ZNF821: variants seen among roughly 807,000 people sequenced by gnomAD.
ZNF821 encodes zinc finger protein 821.
In ZNF821, 16 loss-of-function variants were observed where a neutral mutation model predicts 44.3. That is an observed-to-expected ratio of 0.36 (90% CI 0.24 to 0.55). The LOEUF (loss-of-function observed/expected upper bound fraction) is 0.55, where lower values mean the gene tolerates loss of function less well. Ranked by LOEUF, ZNF821 falls within the 20% of genes least tolerant of loss-of-function variation. ZNF821 has a pLI of 0.86. For synonymous variants in ZNF821, 204 were observed against 197.6 expected (o/e 1.03, Z -0.27); for missense variants, 436 against 547.6 (o/e 0.80, Z 2.03).
upstream of ZNF821, among the ~76,000 whole-genome samples, chr16:71,885,009 C>A (rs2036793640): frequency 6.6e-6 from 1 of 152,110 alleles, no homozygotes; most frequent in African/African-American, 2.4e-5. Context: ...AGGCGTGCAC[C>A]ACCACGCCCA....
At chr16:71,893,635 A>G (rs1323458545) in intron 1 of ZNF821, among the ~76,000 whole-genome samples, 4 of 136,890 alleles carry the variant, frequency 2.9e-5, no homozygotes, top group Admixed American at 1.5e-4. Flanking sequence ...TAATTTTTGT[A>G]TTTTTAGTAG....
upstream of ZNF821, among the ~76,000 whole-genome samples, chr16:71,887,674 A>G (rs1457618655): frequency 1.3e-5 from 2 of 152,078 alleles, no homozygotes; most frequent in Non-Finnish European, 2.9e-5. Context: ...CCTGGTCAAC[A>G]TTTGTTATTG....
At chr16:71,891,053 C>G (rs576378679) in intron 1 of ZNF821, among the ~76,000 whole-genome samples, 67 of 151,626 alleles carry the variant, frequency 4.4e-4, no homozygotes, top group African/African-American at 1.5e-3. Flanking sequence ...GGATTACAGG[C>G]GTGAGCCACC....
intron 3 of ZNF821, among the ~76,000 whole-genome samples, chr16:71,877,396 G>A (rs2035935710): frequency 6.6e-6 from 1 of 152,050 alleles, no homozygotes; most frequent in African/African-American, 2.4e-5. Flanking sequence ...GAGTAGCTGG[G>A]ACTATAGATG....
At chr16:71,881,362 G>A (rs564012219) in intron 2 of ZNF821, 11 of 152,192 alleles carry the variant, frequency 7.2e-5, no homozygotes, top group Non-Finnish European at 8.8e-5. Context: ...GCCTCCACAG[G>A]AAGTGGCAAA....
intron 3 of ZNF821, among the ~76,000 whole-genome samples, chr16:71,877,414 C>A (rs1369513715): frequency 3.3e-5 from 5 of 151,994 alleles, no homozygotes; most frequent in Non-Finnish European, 4.4e-5. Context: ...ATGTATGCCC[C>A]CAGGCCTAGT....
At chr16:71,877,032 C>T (rs915364815) in intron 3 of ZNF821, among the ~76,000 whole-genome samples, 3 of 152,168 alleles carry the variant, frequency 2.0e-5, no homozygotes, top group African/African-American at 4.8e-5. Flanking sequence ...TTTGCACACC[C>T]CCATTCCAGA....
At chr16:71,891,163 A>C (rs551516222) in intron 1 of ZNF821, among the ~76,000 whole-genome samples, 1 of 152,198 alleles carries the variant, frequency 6.6e-6, no homozygotes. Context: ...TAAGGCTTGC[A>C]GGCCTGTTAT....
At chr16:71,890,925 C>G (rs570422217) in intron 1 of ZNF821, among the ~76,000 whole-genome samples, 3 of 151,922 alleles carry the variant, frequency 2.0e-5, no homozygotes, top group Non-Finnish European at 4.4e-5. Flanking sequence ...GCGCCCGCAC[C>G]ACGCCCAGCT....
At chr16:71,874,053 G>A (rs2035532186) in intron 3 of ZNF821, among the ~76,000 whole-genome samples, 1 of 150,254 alleles carries the variant, frequency 6.7e-6, no homozygotes, top group African/African-American at 2.5e-5. Flanking sequence ...CCATCTCCCA[G>A]GTCAGAGCGA....
At chr16:71,867,442 T>G (rs1453020836) in intron 4 of ZNF821, among the ~76,000 whole-genome samples, 1 of 152,128 alleles carries the variant, frequency 6.6e-6, no homozygotes, top group Non-Finnish European at 1.5e-5. Flanking sequence ...ATCCCAGCAC[T>G]TTGGGAGGCC....
chr16:71,870,559 A>G (rs1189364506), intron 3 of ZNF821, among the ~76,000 whole-genome samples: 1 of 148,708 alleles, frequency 6.7e-6, no homozygotes, highest in African/African-American at 2.5e-5. Flanking sequence ...GGCTCACTGC[A>G]GCCTCTGCTT....
intron 2 of ZNF821, 158 bp from the exon 3 acceptor site, chr16:71,880,181 T>G: frequency 2.4e-6 from 1 of 422,904 alleles, no homozygotes; most frequent in Non-Finnish European, 4.1e-6. Context: ...TGAATAAATC[T>G]CTAGCCTAAC....
chr16:71,890,884 G>GC (rs2036881622), intron 1 of ZNF821, among the ~76,000 whole-genome samples: 1 of 144,002 alleles, frequency 6.9e-6, no homozygotes. Flanking sequence ...CCATTCTCCT[G>GC]CCTCAGCCTC....
At chr16:71,889,948 C>A (rs948522716) in intron 1 of ZNF821, among the ~76,000 whole-genome samples, 1 of 152,020 alleles carries the variant, frequency 6.6e-6, no homozygotes, top group Non-Finnish European at 1.5e-5. Flanking sequence ...AGAGCGAGAC[C>A]CTGTCTCAGG....
intron 1 of ZNF821, 184 bp from the exon 2 acceptor site, chr16:71,883,457 G>A: frequency 3.0e-6 from 1 of 338,680 alleles, no homozygotes; most frequent in Non-Finnish European, 5.8e-6. Context: ...GAGGTCTTCC[G>A]AGGCGGCTCA....
upstream of ZNF821, among the ~76,000 whole-genome samples, chr16:71,886,156 C>T (rs2036847266): frequency 6.6e-6 from 1 of 152,206 alleles, no homozygotes. Context: ...TAATGCTATT[C>T]TTATGACTTC....
At chr16:71,887,279 A>C (rs1289357384), upstream of ZNF821, among the ~76,000 whole-genome samples, 12 of 55,544 alleles carry the variant, frequency 2.2e-4, no homozygotes, top group East Asian at 8.1e-3. Context: ...TTTTTTTTTG[A>C]GACCGAGTCT....
At chr16:71,874,232 G>C (rs2035560483) in intron 3 of ZNF821, among the ~76,000 whole-genome samples, 1 of 152,050 alleles carries the variant, frequency 6.6e-6, no homozygotes, top group Non-Finnish European at 1.5e-5. Context: ...AAAGTGCTGG[G>C]ATTACAGGCA....
Sources: gnomAD v4.1 joint callset for allele counts (sites outside exome capture counted in the v4.1 genomes callset) on GRCh38, gnomAD v4.1.1 for gene constraint, MANE v1.5 for transcripts, NCBI Gene and HGNC (gene_info 2026-07-23, HGNC 2026-07-21) for gene names.